The following CTNNA3 variants were observed in gnomAD, a reference collection of about 807,000 sequenced individuals.
CTNNA3 encodes the protein catenin alpha 3, also known as catenin alpha-3.
A neutral mutation model predicts 95.7 loss-of-function variants in CTNNA3; 76 were observed. The observed-to-expected ratio is 0.79, with a 90% CI of 0.66 to 0.96. The LOEUF (loss-of-function observed/expected upper bound fraction) is 0.96. Among genes scored for constraint, CTNNA3 ranks in the 40% least tolerant of loss-of-function variants. The pLI is 0.00. For synonymous variants in CTNNA3, 431 were observed against 374.4 expected (o/e 1.15, Z -1.74); for missense variants, 1,191 against 1,089.8 (o/e 1.09, Z -1.31).
chr10:66,946,414 A>G lies in CTNNA3; in HGVS notation c.1048-170890T>C, dbSNP rs562575509. 2.0e-5 allele frequency among the ~76,000 whole-genome samples: 3 copies of G among 152,290 alleles called. No homozygotes were observed. In the South Asian group the frequency reaches 6.2e-4, roughly 32 times the overall value. On this transcript the variant is annotated intron_variant, in intron 7 of 17. Transcript: ENST00000433211. ...CTTTTTTTGTTGGCATATAATATAC[A>G]TAGAGAAAAGTGCACATATGGTCAA...
chr10:67,246,188 G>A (rs576592918), intron 5 of CTNNA3, among the ~76,000 whole-genome samples: 13 of 152,110 alleles, frequency 8.5e-5, no homozygotes, highest in African/African-American at 1.2e-4. Flanking sequence ...AGAACTGTAC[G>A]CAGAGCATGA....
intron 9 of CTNNA3, among the ~76,000 whole-genome samples, chr10:66,698,757 G>C (rs1847849167): frequency 6.6e-6 from 1 of 152,144 alleles, no homozygotes; most frequent in South Asian, 2.1e-4. Flanking sequence ...CAGCAACTTA[G>C]AGATAGGGCT....
At position 67,612,228 on chromosome 10, in the gene CTNNA3, C is replaced by T. The variant is rs551326385; in HGVS notation, c.100-5179G>A. On this transcript the variant is annotated intron_variant, in intron 2 of 17. Transcript: ENST00000433211. Reference sequence around the variant, plus strand: ...CTTATATTTTGTTCAAAATAATACCCTAGGCATTCAGGAAATAAATATGAA... The same window carrying T: ...CTTATATTTTGTTCAAAATAATACCTTAGGCATTCAGGAAATAAATATGAA... 2.0e-5 allele frequency among the ~76,000 whole-genome samples: 3 copies of T among 152,176 alleles called. No homozygotes were observed. In the East Asian group the frequency reaches 5.8e-4, roughly 29 times the overall value.
At chr10:66,437,633 A>G (rs1018226594) in intron 11 of CTNNA3, among the ~76,000 whole-genome samples, 4 of 151,964 alleles carry the variant, frequency 2.6e-5, no homozygotes, top group African/African-American at 7.3e-5. Context: ...GCTTCCTTGC[A>G]TTTGGTTAGA....
intron 13 of CTNNA3, among the ~76,000 whole-genome samples, chr10:66,108,482 C>T (rs2081992844): frequency 6.6e-6 from 1 of 152,154 alleles, no homozygotes; most frequent in Admixed American, 6.6e-5. Flanking sequence ...AGAGAAGTCT[C>T]CCCTGGCCAG....
intron 7 of CTNNA3, among the ~76,000 whole-genome samples, chr10:67,007,055 CA>C (rs1325030017): frequency 6.6e-6 from 1 of 152,180 alleles, no homozygotes; most frequent in Non-Finnish European, 1.5e-5. Context: ...CTCAGCCTCC[CA>C]AAGTGCTGGG....
intron 13 of CTNNA3, among the ~76,000 whole-genome samples, chr10:66,148,467 C>T (rs1032727452): frequency 6.6e-6 from 1 of 152,054 alleles, no homozygotes; most frequent in African/African-American, 2.4e-5. Flanking sequence ...AGTGATTAGT[C>T]GTGAGGTCTC....
intron 15 of CTNNA3, among the ~76,000 whole-genome samples, chr10:66,027,795 C>T (rs949337531): frequency 2.0e-5 from 3 of 152,172 alleles, no homozygotes; most frequent in African/African-American, 4.8e-5. Flanking sequence ...ACTCCAATTT[C>T]CCTCCTTTAT....
intron 17 of CTNNA3, among the ~76,000 whole-genome samples, chr10:65,936,523 C>T (rs145618159): frequency 5.5e-4 from 83 of 152,150 alleles, no homozygotes; most frequent in African/African-American, 1.8e-3. Context: ...AACATTCATA[C>T]GCTGAAGAAT....
intron 11 of CTNNA3, among the ~76,000 whole-genome samples, chr10:66,430,209 C>T (rs754875716): frequency 1.3e-5 from 2 of 151,114 alleles, no homozygotes; most frequent in Non-Finnish European, 2.9e-5. Context: ...ATGTGAAGGA[C>T]CTCTTCAAGG....
At chr10:65,940,285 A>T (rs897900912) in intron 17 of CTNNA3, among the ~76,000 whole-genome samples, 1 of 152,184 alleles carries the variant, frequency 6.6e-6, no homozygotes. Flanking sequence ...AACAGTTGGG[A>T]ATTTGGCAGA....
chr10:66,413,840 C>A (rs985380714), intron 11 of CTNNA3, among the ~76,000 whole-genome samples: 4 of 152,172 alleles, frequency 2.6e-5, no homozygotes, highest in Non-Finnish European at 5.9e-5. Flanking sequence ...TGTCTGATCA[C>A]AATTTCCCAC....
At chr10:66,880,140 A>T (rs931955637) in intron 7 of CTNNA3, among the ~76,000 whole-genome samples, 1 of 152,074 alleles carries the variant, frequency 6.6e-6, no homozygotes, top group Non-Finnish European at 1.5e-5. Flanking sequence ...CAGGGAAGGA[A>T]AGTGAAGAGA....
chr10:66,259,385 A>G (rs2090911611), intron 13 of CTNNA3, among the ~76,000 whole-genome samples: 1 of 152,156 alleles, frequency 6.6e-6, no homozygotes, highest in Admixed American at 6.6e-5. Flanking sequence ...AATAGGCAGC[A>G]GGTAGACATG....
At chr10:67,713,122 AG>A (rs1479851427) in intron 1 of CTNNA3, among the ~76,000 whole-genome samples, 2 of 152,266 alleles carry the variant, frequency 1.3e-5, no homozygotes, top group Non-Finnish European at 2.9e-5. Flanking sequence ...AAGTGGATGA[AG>A]GATATGAACA....
intron 5 of CTNNA3, among the ~76,000 whole-genome samples, chr10:67,451,962 G>T (rs1847002018): frequency 6.8e-6 from 1 of 146,802 alleles, no homozygotes; most frequent in Admixed American, 6.8e-5. Flanking sequence ...TCCGTGTTGT[G>T]ATAACTACAT....
chr10:67,647,892 CTATGCCCA>C (rs1839766537), intron 1 of CTNNA3, among the ~76,000 whole-genome samples: 2 of 150,966 alleles, frequency 1.3e-5, no homozygotes, highest in African/African-American at 4.9e-5. Flanking sequence ...CTGAGGCAGC[CTATGCCCA>C]TATTTTGCTT....
At chr10:65,998,678 A>G (rs1229752055) in intron 15 of CTNNA3, among the ~76,000 whole-genome samples, 1 of 152,206 alleles carries the variant, frequency 6.6e-6, no homozygotes, top group Non-Finnish European at 1.5e-5. Context: ...GTTGCTTAAG[A>G]AAAGACAGGG....
chr10:67,566,343 C>T (rs1355949060), intron 3 of CTNNA3, among the ~76,000 whole-genome samples: 1 of 150,250 alleles, frequency 6.7e-6, no homozygotes, highest in African/African-American at 2.5e-5. Flanking sequence ...CAAACAACCC[C>T]ATCAAAAAGT....
Sources: gnomAD v4.1 joint callset for allele counts (sites outside exome capture counted in the v4.1 genomes callset) on GRCh38, gnomAD v4.1.1 for gene constraint, MANE v1.5 for transcripts, NCBI Gene and HGNC (gene_info 2026-07-23, HGNC 2026-07-21) for gene names.